UNC13C: variants seen among roughly 807,000 people sequenced by gnomAD.
UNC13C encodes the protein unc-13 homolog C.
A neutral mutation model predicts 245.4 loss-of-function variants in UNC13C; 174 were observed. The observed-to-expected ratio is 0.71, with a 90% confidence interval of 0.63 to 0.80. The LOEUF (loss-of-function observed/expected upper bound fraction) is 0.80, where lower values mean the gene tolerates loss of function less well. UNC13C is among the 30% of genes least tolerant of loss of function. The probability of loss-of-function intolerance (pLI) is 0.00; values close to 1 mark genes in which losing one functional copy is unlikely to be tolerated. For synonymous variants in UNC13C, 992 were observed against 895.1 expected, an observed-to-expected ratio of 1.11 and a Z score of -1.93; for missense variants, 2,829 against 2,602.9, an observed-to-expected ratio of 1.09 and a Z score of -1.89.
intron 19 of UNC13C, among the ~76,000 whole-genome samples, chr15:54,477,831 GT>G (rs1892856760): frequency 1.3e-5 from 2 of 149,580 alleles, no homozygotes; most frequent in Admixed American, 1.3e-4. Flanking sequence ...CATAAAATGA[GT>G]TAAGGAGGAG....
the UNC13C span, among the ~76,000 whole-genome samples, chr15:53,915,890 T>G: frequency 1.3e-5 from 2 of 152,166 alleles, no homozygotes; most frequent in African/African-American, 4.8e-5. Flanking sequence ...TACATATAGA[T>G]GCATGGAAAA....
chr15:53,847,263 T>C, the UNC13C span, among the ~76,000 whole-genome samples: 1 of 152,120 alleles, frequency 6.6e-6, no homozygotes, highest in Non-Finnish European at 1.5e-5. Context: ...ACTTACCAAT[T>C]TGTATATCAA....
intron 10 of UNC13C, among the ~76,000 whole-genome samples, chr15:54,291,236 A>G (rs1187967996): frequency 6.6e-6 from 1 of 152,002 alleles, no homozygotes. Flanking sequence ...AATGGGAGAC[A>G]GCTGTGCTCT....
In UNC13C at chr15:54,450,472, G is replaced by A. The variant is rs188078734; in HGVS notation, c.4933+35405G>A. The stretch of plus-strand genomic sequence containing the variant: ...TACCTACTCAAGCCTCAGCAATGGC[G>A]GGCGCCCCTTCTCCAGCCTCGCTGC... On this transcript the variant is annotated intron_variant, in intron 19 of 32. Coordinates refer to ENST00000260323, the MANE Select transcript of UNC13C (RefSeq NM_001080534.3). 5.1e-3 allele frequency among the ~76,000 whole-genome samples: 783 copies of A among 152,298 alleles called. 6 individuals carry two copies. The highest frequency in any genetic ancestry group is 0.017 in the African/African-American group (724 of 41,566).
At chr15:54,423,779 A>T (rs1357322641) in intron 19 of UNC13C, among the ~76,000 whole-genome samples, 3 of 151,834 alleles carry the variant, frequency 2.0e-5, no homozygotes, top group Non-Finnish European at 4.4e-5. Context: ...CTTATGTGAA[A>T]ATTATATATT....
chr15:54,231,015 G>GT (rs1357040149), intron 4 of UNC13C, among the ~76,000 whole-genome samples: 2 of 151,968 alleles, frequency 1.3e-5, no homozygotes, highest in African/African-American at 2.4e-5. Flanking sequence ...GATGTCTTCA[G>GT]TTTTTTATCC....
At chr15:54,462,469 C>T (rs1020661421) in intron 19 of UNC13C, among the ~76,000 whole-genome samples, 1 of 152,014 alleles carries the variant, frequency 6.6e-6, no homozygotes, top group Non-Finnish European at 1.5e-5. Context: ...AGGTGCAGGC[C>T]GGAACCGGGG....
the UNC13C span, among the ~76,000 whole-genome samples, chr15:53,867,522 C>A: frequency 7.9e-5 from 12 of 152,208 alleles, no homozygotes; most frequent in South Asian, 2.1e-4. Context: ...TCTGAAGGCT[C>A]GAGGTATCCA....
chr15:54,329,965 G>T (rs2038396333), intron 14 of UNC13C, among the ~76,000 whole-genome samples: 3 of 152,004 alleles, frequency 2.0e-5, no homozygotes, highest in African/African-American at 7.2e-5. Flanking sequence ...CAGAGGTAGG[G>T]AATTCAGAGC....
At chr15:54,053,547 A>G (rs966998908) in intron 2 of UNC13C, among the ~76,000 whole-genome samples, 3 of 152,154 alleles carry the variant, frequency 2.0e-5, no homozygotes, top group Admixed American at 2.0e-4. Flanking sequence ...TACATGGCAT[A>G]TTTTGATACA....
chr15:53,868,527 C>T, the UNC13C span, among the ~76,000 whole-genome samples: 1 of 152,070 alleles, frequency 6.6e-6, no homozygotes, highest in African/African-American at 2.4e-5. Flanking sequence ...CCGGCCTATG[C>T]AGTCTGCTCC....
At chr15:54,318,858 C>G (rs1397888861) in intron 13 of UNC13C, among the ~76,000 whole-genome samples, 1 of 151,846 alleles carries the variant, frequency 6.6e-6, no homozygotes, top group East Asian at 1.9e-4. Flanking sequence ...CTTTTAGTTT[C>G]ACTTATAAAA....
chr15:54,253,366 C>A (rs2414287), intron 8 of UNC13C, among the ~76,000 whole-genome samples: 2 of 152,100 alleles, frequency 1.3e-5, no homozygotes, highest in East Asian at 3.9e-4. Context: ...CTAACACCCT[C>A]TCTAGCTAAT....
chr15:54,557,393 T>G (rs990543842), intron 29 of UNC13C, among the ~76,000 whole-genome samples: 2 of 151,958 alleles, frequency 1.3e-5, no homozygotes, highest in African/African-American at 2.4e-5. Flanking sequence ...TATCTGATTT[T>G]CAATGACTGT....
chr15:54,423,598 G>C (rs768438527), intron 19 of UNC13C, among the ~76,000 whole-genome samples: 7 of 151,764 alleles, frequency 4.6e-5, no homozygotes, highest in Non-Finnish European at 1.0e-4. Flanking sequence ...TCTTGGGCAA[G>C]GTATTTGAAT....
chr15:53,889,116 C>G, the UNC13C span, among the ~76,000 whole-genome samples: 1 of 152,134 alleles, frequency 6.6e-6, no homozygotes, highest in Non-Finnish European at 1.5e-5. Flanking sequence ...ATGGGGATAG[C>G]ATTGAATCTA....
At chr15:54,238,609 C>A (rs2035770120) in intron 7 of UNC13C, among the ~76,000 whole-genome samples, 1 of 152,192 alleles carries the variant, frequency 6.6e-6, no homozygotes, top group African/African-American at 2.4e-5. Context: ...GCAATACATA[C>A]AAGCTTCTGT....
the UNC13C span, among the ~76,000 whole-genome samples, chr15:53,951,903 A>G: frequency 1.8e-4 from 27 of 152,114 alleles, no homozygotes; most frequent in African/African-American, 6.3e-4. Flanking sequence ...GGATCTGGAG[A>G]CCAGCTGGTC....
chr15:53,900,754 G>A, the UNC13C span, among the ~76,000 whole-genome samples: 1 of 152,038 alleles, frequency 6.6e-6, no homozygotes, highest in African/African-American at 2.4e-5. Context: ...CCATCTCAGA[G>A]AGTTCAACAG....
Sources: gnomAD v4.1 joint callset for allele counts (sites outside exome capture counted in the v4.1 genomes callset) on GRCh38, gnomAD v4.1.1 for gene constraint, MANE v1.5 for transcripts, NCBI Gene and HGNC (gene_info 2026-07-23, HGNC 2026-07-21) for gene names.